Variants in EFTUD2 observed in about 807,000 individuals in gnomAD.
The protein encoded by EFTUD2 is 116 kDa U5 small nuclear ribonucleoprotein component.
Under a neutral mutation model 114.3 loss-of-function variants are expected in EFTUD2, and 9 were observed. The observed-to-expected ratio is 0.08, with a 90% CI of 0.05 to 0.14. The LOEUF (loss-of-function observed/expected upper bound fraction) is 0.14. EFTUD2 is among the 10% of genes least tolerant of loss of function. The probability of loss-of-function intolerance (pLI) is 1.00; values close to 1 mark genes in which losing one functional copy is unlikely to be tolerated. For synonymous variants in EFTUD2, 449 were observed against 462.3 expected, an observed-to-expected ratio of 0.97 and a Z score of 0.37; for missense variants, 765 against 1,241.2, an observed-to-expected ratio of 0.62 and a Z score of 5.76.
Position 44,883,642 on chromosome 17 carries a change from G to A in EFTUD2, c.426+7C>T, listed in dbSNP as rs771330868. On this transcript the variant is annotated splice_region_variant and intron_variant, in intron 5 of 27. Transcript: ENST00000426333. ...CCTGTTCCAAGTAGCTGAAAGTTCC[G>A]TCTTACCTTGCCATGGTGGAGATGT... The A allele has an allele frequency of 3.1e-6, 5 of 1,613,352 alleles. No individual in the cohort carries two copies. Among genetic ancestry groups the A allele is most frequent in the Non-Finnish European group, 3.4e-6 (4 of 1,179,264 alleles).
At chr17:44,895,095 T>A (rs992698294) in intron 1 of EFTUD2, among the ~76,000 whole-genome samples, 1 of 152,228 alleles carries the variant, frequency 6.6e-6, no homozygotes, top group Non-Finnish European at 1.5e-5. Flanking sequence ...AAGCTAAGAA[T>A]GCTTTTTCAC....
In EFTUD2 at chr17:44,880,640, C is replaced by A; in HGVS notation, c.533G>T (p.Gly178Val). ...CACAGGAGTGCTTTTGATGCCTACA[C>A]CTCTCTGAAAGGAACAAAGAGTGGT... Reference protein sequence around the residue: ...TDILFTEQERGVGIKSTPVTV... With the variant: ...TDILFTEQERVVGIKSTPVTV... Residue 178 changes from glycine (G) to valine (V), a missense_variant, in exon 8 of 28, where the codon GGT becomes GTT. Physicochemically the swap from Gly to Val is moderately radical, Grantham distance 109. Around this residue, in one of 6 missense-constraint regions of EFTUD2, gnomAD observed 251 missense variants for 357.7 expected, o/e 0.70. Transcript: ENST00000426333. 2 of 1,613,248 alleles carry A rather than the reference C, an allele frequency of 1.2e-6. No homozygotes were observed. The highest frequency in any genetic ancestry group is 1.7e-6 in the Non-Finnish European group (2 of 1,179,332).
chr17:44,867,056 A>G (rs2050758669), intron 13 of EFTUD2, among the ~76,000 whole-genome samples: 2 of 152,194 alleles, frequency 1.3e-5, no homozygotes, highest in African/African-American at 2.4e-5. Context: ...GCAGTGAGCT[A>G]TGATCGTGCT....
At chr17:44,875,145 T>C (rs1458166274) in intron 10 of EFTUD2, among the ~76,000 whole-genome samples, 1 of 152,050 alleles carries the variant, frequency 6.6e-6, no homozygotes, top group Non-Finnish European at 1.5e-5. Context: ...GTGGAAGAAT[T>C]GCTTGAGGCC....
chr17:44,850,513 A>C lies in EFTUD2; in HGVS notation c.*761T>G. The C allele has an allele frequency of 1.4e-6, 1 of 734,342 alleles. No individual in the cohort carries two copies. Among genetic ancestry groups the C allele is most frequent in the South Asian group, 1.7e-5 (1 of 58,416 alleles). The allele number at this position is 734,342 out of a possible 1,614,324, so 45.5% of individuals were successfully genotyped here. On this transcript the variant is annotated 3_prime_UTR_variant, in exon 28 of 28. Coordinates refer to ENST00000426333, the MANE Select transcript of EFTUD2 (RefSeq NM_004247.4). ...TTTTTCACTGGGGGAGAACAGAGTA[A>C]GGGACTGGTGGTAGCTGGGGAGAGG...
At position 44,880,577 on chromosome 17, in the gene EFTUD2, A is replaced by G; in HGVS notation, c.596T>C (p.Leu199Pro). ...ACCTGGAGTGTCCATGATATTGAAGAGATAAGATTTTCCTTTGGTGTCTGG... is the reference window on the plus strand; with the variant it reads ...ACCTGGAGTGTCCATGATATTGAAGGGATAAGATTTTCCTTTGGTGTCTGG... The part of the protein sequence containing the change: ...VLPDTKGKSY[L>P]FNIMDTPGHV... Residue 199 changes from leucine to proline, a missense_variant, in exon 8 of 28, where the codon CTC (leucine) becomes CCC (proline). Physicochemically the swap from Leu to Pro is moderately conservative, Grantham distance 98 (BLOSUM62 -3). Coordinates refer to ENST00000426333, the MANE Select transcript of EFTUD2 (RefSeq NM_004247.4). 6.2e-7 allele frequency: 1 copy of G among 1,613,754 alleles called. No homozygotes were observed. Among genetic ancestry groups the G allele is most frequent in the Middle Eastern group, 1.7e-4 (1 of 6,060 alleles).
chr17:44,888,843 C>T (rs537518899), intron 2 of EFTUD2, among the ~76,000 whole-genome samples: 1 of 152,254 alleles, frequency 6.6e-6, no homozygotes, highest in South Asian at 2.1e-4. Context: ...CCCTGTTAGA[C>T]ATTAAGTAGA....
At chr17:44,861,574 T>TA (rs2050661088) in intron 16 of EFTUD2, among the ~76,000 whole-genome samples, 1 of 149,584 alleles carries the variant, frequency 6.7e-6, no homozygotes, top group South Asian at 2.1e-4. Flanking sequence ...CTACTAAAAA[T>TA]ACAAAAAAAT....
rs1034934451 is a variant in EFTUD2, at chr17:44,851,825, G to C, written c.2716-8C>G. 6.2e-6 allele frequency: 10 copies of C among 1,603,796 alleles called. No homozygotes were observed. Among genetic ancestry groups the C allele is most frequent in the Non-Finnish European group, 8.5e-6 (10 of 1,175,146 alleles). The stretch of plus-strand genomic sequence containing the variant: ...GGGATCACCAGGCACAATCTAAAAG[G>C]CAAAGGAATTTCAGATGGCCCAGGC... On this transcript the variant is annotated splice_region_variant and splice_polypyrimidine_tract_variant and intron_variant, in intron 26 of 27. Transcript: ENST00000426333.
intron 2 of EFTUD2, among the ~76,000 whole-genome samples, chr17:44,891,103 G>A (rs1224309446): frequency 3.9e-5 from 6 of 152,094 alleles, no homozygotes; most frequent in Admixed American, 1.3e-4. Flanking sequence ...ACCCTAAAAT[G>A]CACCACTCAT....
chr17:44,897,785 G>A (rs73307477), intron 1 of EFTUD2, among the ~76,000 whole-genome samples: 1,614 of 152,158 alleles, frequency 0.011, 33 homozygotes, highest in African/African-American at 0.037. Flanking sequence ...AGGCAGTCTC[G>A]AACTCTTGAC....
chr17:44,851,201 T>C lies in EFTUD2; in HGVS notation c.*73A>G, dbSNP rs542500587. On this transcript the variant is annotated 3_prime_UTR_variant, in exon 28 of 28. Transcript: ENST00000426333. Reference sequence around the variant, plus strand: ...CTCTGACAACACGAAGGCCACGTCATATGAGGTCTCAGCTTCAAGTACAGG... The same window carrying C: ...CTCTGACAACACGAAGGCCACGTCACATGAGGTCTCAGCTTCAAGTACAGG... 4 of 1,255,436 alleles carry C rather than the reference T, an allele frequency of 3.2e-6. No individual in the cohort carries two copies. Among genetic ancestry groups the C allele is most frequent in the East Asian group, 2.3e-5 (1 of 43,012 alleles). 77.8% of individuals were successfully genotyped at this position (1,255,436 alleles called of 1,614,324 possible). A position where few individuals can be genotyped will look rare whatever the true frequency, so the allele number is the denominator to read the frequency against.
chr17:44,860,164 G>T, intron 17 of EFTUD2, 119 bp from the exon 18 acceptor site: 1 of 1,428,808 alleles, frequency 7.0e-7, no homozygotes, highest in Non-Finnish European at 9.7e-7. Flanking sequence ...CCAACCAGGA[G>T]CCTGGTGCTG....
rs1207806601 is a variant in EFTUD2, at chr17:44,850,336, T to G, written c.*938A>C. 1.2e-6 allele frequency: 2 copies of G among 1,612,208 alleles called. No homozygotes were observed. Among genetic ancestry groups the G allele is most frequent in the Non-Finnish European group, 1.7e-6 (2 of 1,178,834 alleles). ...TATTTCTTTTCTCTCACACAGGTGC[T>G]GTGTACACAATGTACAGCGATTACG... is the stretch of plus-strand genomic sequence containing the variant. On this transcript the variant is annotated 3_prime_UTR_variant, in exon 28 of 28. Transcript: ENST00000426333.
chr17:44,851,467 G>A, intron 27 of EFTUD2, 98 bp from the exon 28 acceptor site: 1 of 1,064,046 alleles, frequency 9.4e-7, no homozygotes. Flanking sequence ...GCTAGTGGTG[G>A]CTGGAATGTA....
chr17:44,853,770 G>A, intron 23 of EFTUD2, 135 bp from the exon 24 acceptor site: 1 of 1,492,294 alleles, frequency 6.7e-7, no homozygotes, highest in Non-Finnish European at 8.9e-7. Context: ...CAAATGGGAG[G>A]TGGGCGTTCT....
chr17:44,869,163 A>G (rs973404418), intron 11 of EFTUD2, among the ~76,000 whole-genome samples: 1 of 151,976 alleles, frequency 6.6e-6, no homozygotes, highest in Non-Finnish European at 1.5e-5. Context: ...CTAAACTCAA[A>G]ATCTTTTTCT....
chr17:44,888,992 C>T (rs992418298), intron 2 of EFTUD2, among the ~76,000 whole-genome samples: 3 of 152,130 alleles, frequency 2.0e-5, no homozygotes, highest in East Asian at 1.9e-4. Context: ...ACAGAGAAGA[C>T]GTCTGAGGAA....
At chr17:44,853,820 A>C in intron 23 of EFTUD2, 185 bp from the exon 24 acceptor site, 1 of 1,432,800 alleles carries the variant, frequency 7.0e-7, no homozygotes, top group South Asian at 1.5e-5. Context: ...TCAGAAGTTA[A>C]GCATATGTTC....
Sources: gnomAD v4.1 joint callset for allele counts (sites outside exome capture counted in the v4.1 genomes callset) on GRCh38, gnomAD v4.1.1 for gene constraint, gnomAD v4.1.1 regional missense constraint, MANE v1.5 for transcripts, NCBI Gene and HGNC (gene_info 2026-07-23, HGNC 2026-07-21) for gene names.